ATG10: variants seen among roughly 807,000 people sequenced by gnomAD.
The protein encoded by ATG10 is autophagy related 10.
Under a neutral mutation model 32.1 loss-of-function variants are expected in ATG10, and 30 were observed. That is an observed-to-expected ratio of 0.94 (90% confidence interval 0.70 to 1.27). The LOEUF is 1.27. ATG10 is among the 50% of genes most tolerant of loss of function. The pLI, the probability that ATG10 is intolerant of heterozygous loss-of-function variation, is 0.00. For missense variants in ATG10, 233 were observed against 262.3 expected (o/e 0.89, Z 0.77); for synonymous variants, 87 against 91.5 (o/e 0.95, Z 0.28).
intron 3 of ATG10, among the ~76,000 whole-genome samples, chr5:82,136,154 C>G (rs1482621825): frequency 6.6e-6 from 1 of 152,114 alleles, no homozygotes; most frequent in Non-Finnish European, 1.5e-5. Context: ...ATACAGCACA[C>G]CGATGGGTCT....
chr5:82,143,604 C>T (rs919150063), intron 3 of ATG10, among the ~76,000 whole-genome samples: 4 of 152,164 alleles, frequency 2.6e-5, no homozygotes, highest in East Asian at 1.9e-4. Flanking sequence ...TGTTTGTGTT[C>T]GTGCAGACTG....
chr5:82,052,393 A>G (rs896906659), intron 2 of ATG10, among the ~76,000 whole-genome samples: 1 of 152,162 alleles, frequency 6.6e-6, no homozygotes, highest in Non-Finnish European at 1.5e-5. Context: ...TCCAAAATGC[A>G]ATCGGCACTA....
intron 5 of ATG10, among the ~76,000 whole-genome samples, chr5:82,248,820 A>G (rs1051548570): frequency 1.3e-5 from 2 of 151,986 alleles, no homozygotes; most frequent in Non-Finnish European, 2.9e-5. Flanking sequence ...CCAAAACAAT[A>G]TAATTTTTAT....
intron 2 of ATG10, among the ~76,000 whole-genome samples, chr5:82,042,356 C>T (rs1586309): frequency 0.41 from 61,748 of 151,988 alleles, 14,056 homozygotes; most frequent in East Asian, 0.76. Context: ...GAGATCTGCC[C>T]TCATGATCTA....
chr5:82,151,675 T>C (rs1767601254), intron 3 of ATG10, among the ~76,000 whole-genome samples: 1 of 151,582 alleles, frequency 6.6e-6, no homozygotes, highest in African/African-American at 2.4e-5. Flanking sequence ...TCTAATCAGA[T>C]CTTTCAAAAA....
chr5:82,156,181 G>A (rs772136802), intron 3 of ATG10, among the ~76,000 whole-genome samples: 9 of 151,412 alleles, frequency 5.9e-5, no homozygotes, highest in Non-Finnish European at 1.2e-4. Flanking sequence ...TCAAAACATA[G>A]ATGAGCAGCT....
At chr5:82,249,216 T>A (rs1449325377) in intron 5 of ATG10, among the ~76,000 whole-genome samples, 1 of 152,176 alleles carries the variant, frequency 6.6e-6, no homozygotes, top group East Asian at 1.9e-4. Context: ...TTATTTTTCA[T>A]TAATTTGGTT....
chr5:82,055,780 C>G (rs1763574361), intron 2 of ATG10, among the ~76,000 whole-genome samples: 1 of 152,152 alleles, frequency 6.6e-6, no homozygotes, highest in African/African-American at 2.4e-5. Context: ...CGGTCAAGAA[C>G]AGACCACATG....
At chr5:82,107,882 T>A (rs1765490457) in intron 3 of ATG10, among the ~76,000 whole-genome samples, 1 of 152,082 alleles carries the variant, frequency 6.6e-6, no homozygotes, top group East Asian at 1.9e-4. Flanking sequence ...GAAGGTGACA[T>A]TTGAATTGGA....
chr5:82,053,501 A>G (rs77604114), intron 2 of ATG10, among the ~76,000 whole-genome samples: 1,666 of 152,054 alleles, frequency 0.011, 37 homozygotes, highest in African/African-American at 0.038. Context: ...CCAGTCTTTT[A>G]TGACTTCTGG....
intron 3 of ATG10, among the ~76,000 whole-genome samples, chr5:82,083,400 G>C (rs113764187): frequency 6.6e-6 from 1 of 152,294 alleles, no homozygotes; most frequent in South Asian, 2.1e-4. Context: ...CTCCACTTCT[G>C]GGGGAAGGGC....
chr5:82,118,402 A>ATATATATATATATATG (rs1309574936), intron 3 of ATG10, among the ~76,000 whole-genome samples: 6 of 136,362 alleles, frequency 4.4e-5, no homozygotes, highest in Non-Finnish European at 9.3e-5. Context: ...ATATATATAT[A>ATATATATATATATATG]TATGTATGTA....
chr5:82,156,613 T>G (rs1186235505), intron 3 of ATG10, among the ~76,000 whole-genome samples: 1 of 152,138 alleles, frequency 6.6e-6, no homozygotes, highest in Non-Finnish European at 1.5e-5. Flanking sequence ...CTGTAAACTG[T>G]TAGAGTTGAT....
chr5:82,018,494 AG>A (rs963718227), intron 2 of ATG10, among the ~76,000 whole-genome samples: 1 of 152,228 alleles, frequency 6.6e-6, no homozygotes, highest in African/African-American at 2.4e-5. Flanking sequence ...TCAGATTAAA[AG>A]CCAAAATATT....
At chr5:82,118,390 A>ATATG in intron 3 of ATG10, among the ~76,000 whole-genome samples, 1 of 117,036 alleles carries the variant, frequency 8.5e-6, no homozygotes, top group East Asian at 2.2e-4. Context: ...ATATGTACAT[A>ATATG]TATATATATA....
At chr5:82,212,566 A>T (rs1561360157) in intron 5 of ATG10, among the ~76,000 whole-genome samples, 1 of 152,228 alleles carries the variant, frequency 6.6e-6, no homozygotes, top group African/African-American at 2.4e-5. Flanking sequence ...TTAATACTAC[A>T]TGGAAGTGCC....
intron 3 of ATG10, among the ~76,000 whole-genome samples, chr5:82,151,018 G>A (rs1228904758): frequency 6.6e-6 from 1 of 152,138 alleles, no homozygotes; most frequent in African/African-American, 2.4e-5. Context: ...AGATGCCAAG[G>A]ATCAATTTTG....
At chr5:82,063,518 A>G (rs1413881273) in intron 3 of ATG10, among the ~76,000 whole-genome samples, 1 of 150,158 alleles carries the variant, frequency 6.7e-6, no homozygotes, top group Non-Finnish European at 1.5e-5. Context: ...TTTGAAATAG[A>G]GTCTCACTCT....
intron 3 of ATG10, among the ~76,000 whole-genome samples, chr5:82,087,287 T>C (rs1261289053): frequency 2.6e-5 from 4 of 152,180 alleles, no homozygotes; most frequent in African/African-American, 9.6e-5. Flanking sequence ...GGATGGGTTA[T>C]ATTTTGAGTG....
Sources: allele counts gnomAD v4.1 joint callset (sites outside exome capture counted in the v4.1 genomes callset), GRCh38; gene constraint gnomAD v4.1.1; transcripts MANE v1.5; gene names NCBI Gene and HGNC (gene_info 2026-07-23, HGNC 2026-07-21).